PCDHA13: variants seen among roughly 807,000 people sequenced by gnomAD.
PCDHA13 encodes protocadherin alpha 13.
In PCDHA13, 54 loss-of-function variants were observed where a neutral mutation model predicts 64.8. The observed-to-expected ratio is 0.83, with a 90% CI of 0.67 to 1.04. PCDHA13 has a LOEUF of 1.04. PCDHA13 is among the 50% of genes least tolerant of loss of function. PCDHA13 has a pLI of 0.00. For synonymous variants in PCDHA13, 587 were observed against 564.4 expected, an observed-to-expected ratio of 1.04 and a Z score of -0.57; for missense variants, 1,248 against 1,254.3, an observed-to-expected ratio of 0.99 and a Z score of 0.08.
chr5:140,915,093 G>A (rs1397392191), intron 1 of PCDHA13, among the ~76,000 whole-genome samples: 3 of 151,622 alleles, frequency 2.0e-5, no homozygotes, highest in Non-Finnish European at 2.9e-5. Flanking sequence ...CTATGGGCAC[G>A]CACCACCACA....
chr5:140,984,964 G>C (rs930753325), intron 3 of PCDHA13, among the ~76,000 whole-genome samples: 1 of 151,818 alleles, frequency 6.6e-6, no homozygotes, highest in Non-Finnish European at 1.5e-5. Context: ...TTGAGACAGA[G>C]TCTCGCTCTG....
chr5:140,914,427 T>C (rs2076707638), intron 1 of PCDHA13, among the ~76,000 whole-genome samples: 1 of 152,196 alleles, frequency 6.6e-6, no homozygotes, highest in African/African-American at 2.4e-5. Context: ...TAGCAAGGAA[T>C]ATCTTTTCCC....
rs183786609 is a variant in PCDHA13, at chr5:140,896,576, C to T, written c.2394+11914C>T. ...ATTTTAAGTAGAGATGGGGTTTTGA[C>T]GTGTTGGCCAGGCTGGTCTCGAACT... On this transcript the variant is annotated intron_variant, in intron 1 of 3. Transcript: ENST00000289272. Among the ~76,000 whole-genome samples the T allele has an allele frequency of 3.4e-4, 51 of 151,254 alleles. No individual in the cohort carries two copies. The East Asian group carries it at 4.9e-3, about 14-fold the overall frequency.
Position 140,884,433 on chromosome 5 carries a change from G to C in PCDHA13, c.2165G>C (p.Arg722Pro). 6.2e-7 allele frequency: 1 copy of C among 1,613,908 alleles called. No individual in the cohort carries two copies. Among genetic ancestry groups the C allele is most frequent in the Non-Finnish European group, 8.5e-7 (1 of 1,179,866 alleles). Residue 722 changes from arginine to proline, a missense_variant, in exon 1 of 4, where the codon CGG becomes CCG. Coordinates refer to ENST00000289272, the MANE Select transcript of PCDHA13 (RefSeq NM_018904.3). ...VLTLLLYTAL[R>P]CSAPPTEGAC... ...ACGTTGCTGCTGTATACTGCGCTGCGGTGCTCGGCACCGCCCACCGAGGGC... is the reference window on the plus strand; with the variant it reads ...ACGTTGCTGCTGTATACTGCGCTGCCGTGCTCGGCACCGCCCACCGAGGGC...
At position 140,883,293 on chromosome 5, in the gene PCDHA13, A is replaced by G. The variant is rs1324977852; in HGVS notation, c.1025A>G (p.Asp342Gly). The change falls in exon 1 of 4, where the codon GAT becomes GGT. Residue 342 changes from aspartate to glycine, a missense_variant. Coordinates refer to ENST00000289272, the MANE Select transcript of PCDHA13 (RefSeq NM_018904.3). ...GHCTLLVEVL[D>G]VNDNAPEVTI... ...TGTACCCTTTTGGTGGAAGTACTAGATGTAAATGATAACGCCCCAGAGGTT... is the reference window on the plus strand; with the variant it reads ...TGTACCCTTTTGGTGGAAGTACTAGGTGTAAATGATAACGCCCCAGAGGTT... 2 of 1,614,102 alleles carry G rather than the reference A, an allele frequency of 1.2e-6. No homozygotes were observed. Among genetic ancestry groups the G allele is most frequent in the Non-Finnish European group, 1.7e-6 (2 of 1,180,026 alleles).
At chr5:140,914,439 T>A (rs1352001626) in intron 1 of PCDHA13, among the ~76,000 whole-genome samples, 2 of 152,310 alleles carry the variant, frequency 1.3e-5, no homozygotes, top group South Asian at 2.1e-4. Context: ...TCTTTTCCCA[T>A]GTCTTTATTT....
chr5:140,993,454 T>G (rs1343043993), intron 3 of PCDHA13, among the ~76,000 whole-genome samples: 1 of 133,974 alleles, frequency 7.5e-6, no homozygotes, highest in Non-Finnish European at 1.6e-5. Flanking sequence ...GTTCTCCTTC[T>G]TTCTTTCTCA....
In PCDHA13 at chr5:140,903,730, A is replaced by G. The variant is rs2070542594; in HGVS notation, c.2394+19068A>G. Among the ~76,000 whole-genome samples, 4 of 152,350 alleles carry G rather than the reference A, an allele frequency of 2.6e-5. No homozygotes were observed. In the South Asian group the frequency reaches 8.3e-4, roughly 32 times the overall value. ...AAATATACAATTCTCCCTATTATCA[A>G]TTATTACAGAATGTTTCCCTTGATT... is the stretch of plus-strand genomic sequence containing the variant. On this transcript the variant is annotated intron_variant, in intron 1 of 3. Transcript: ENST00000289272.
At chr5:140,962,564 G>A (rs1224952009) in intron 1 of PCDHA13, among the ~76,000 whole-genome samples, 2 of 152,124 alleles carry the variant, frequency 1.3e-5, no homozygotes, top group Non-Finnish European at 2.9e-5. Context: ...CCCCCTAAAA[G>A]CCAATTGTTA....
chr5:140,983,387 G>T (rs1417783796), intron 3 of PCDHA13, among the ~76,000 whole-genome samples: 1 of 152,188 alleles, frequency 6.6e-6, no homozygotes, highest in Non-Finnish European at 1.5e-5. Flanking sequence ...CGCTGTGGCA[G>T]TTTTCAGAAA....
At chr5:140,939,060 A>G (rs1435006375) in intron 1 of PCDHA13, among the ~76,000 whole-genome samples, 1 of 152,208 alleles carries the variant, frequency 6.6e-6, no homozygotes, top group Non-Finnish European at 1.5e-5. Flanking sequence ...TTGGGCTGCT[A>G]TATCAAAATA....
chr5:141,002,234 C>G (rs2098067276), intron 3 of PCDHA13, among the ~76,000 whole-genome samples: 1 of 152,210 alleles, frequency 6.6e-6, no homozygotes, highest in Non-Finnish European at 1.5e-5. Context: ...TTTCTGGAAG[C>G]TCTTTATTAA....
chr5:140,893,150 A>G (rs1398784015), intron 1 of PCDHA13, among the ~76,000 whole-genome samples: 1 of 152,066 alleles, frequency 6.6e-6, no homozygotes, highest in Non-Finnish European at 1.5e-5. Context: ...TCATCTGTTG[A>G]TGGATATTGA....
At chr5:140,999,845 T>G (rs1293721817) in intron 3 of PCDHA13, among the ~76,000 whole-genome samples, 1 of 152,188 alleles carries the variant, frequency 6.6e-6, no homozygotes, top group Non-Finnish European at 1.5e-5. Flanking sequence ...CAAGTGTATT[T>G]ATCTCTTCCG....
At chr5:140,928,471 G>T in intron 1 of PCDHA13, 1 of 1,614,148 alleles carries the variant, frequency 6.2e-7, no homozygotes, top group Non-Finnish European at 8.5e-7. Context: ...CCAAGTAGAA[G>T]GCCGGGATGG....
intron 1 of PCDHA13, among the ~76,000 whole-genome samples, chr5:140,904,640 C>T (rs1484010152): frequency 6.6e-6 from 1 of 152,046 alleles, no homozygotes; most frequent in Non-Finnish European, 1.5e-5. Flanking sequence ...GGAATCTCCA[C>T]ACTGTTTTCC....
chr5:140,928,902 C>T, intron 1 of PCDHA13: 1 of 1,614,164 alleles, frequency 6.2e-7, no homozygotes, highest in Non-Finnish European at 8.5e-7. Flanking sequence ...TTGAAGATGT[C>T]TGGGAACCAG....
At chr5:140,908,727 G>A (rs1388044565) in intron 1 of PCDHA13, among the ~76,000 whole-genome samples, 1 of 152,136 alleles carries the variant, frequency 6.6e-6, no homozygotes, top group Non-Finnish European at 1.5e-5. Context: ...GGGTCATATG[G>A]CTCGAGAAAC....
rs1012749061 is a variant in PCDHA13 at position 141,011,525 on chromosome 5, C to T, written c.*1588C>T. Reference sequence around the variant, plus strand: ...AAAAGTGGAGTAGTGTTTTTTTAACCATTGTTAATCAGCTTTTGTGTATGA... The same window carrying T: ...AAAAGTGGAGTAGTGTTTTTTTAACTATTGTTAATCAGCTTTTGTGTATGA... On this transcript the variant is annotated 3_prime_UTR_variant, in exon 4 of 4. Coordinates refer to ENST00000289272, the MANE Select transcript of PCDHA13 (RefSeq NM_018904.3). 11 of 153,568 alleles carry T rather than the reference C, an allele frequency of 7.2e-5. No individual in the cohort carries two copies. The Admixed American group carries it at 7.2e-4, about 10-fold the overall frequency. 9.5% of individuals were successfully genotyped at this position (153,568 alleles called of 1,614,324 possible).
Sources: allele counts gnomAD v4.1 joint callset (sites outside exome capture counted in the v4.1 genomes callset), GRCh38; gene constraint gnomAD v4.1.1; transcripts MANE v1.5; gene names NCBI Gene and HGNC (gene_info 2026-07-23, HGNC 2026-07-21).